Variants in CCDC146 observed in about 807,000 individuals in gnomAD.
The protein encoded by CCDC146 is coiled-coil domain-containing protein 146.
Under a neutral mutation model 119.3 loss-of-function variants are expected in CCDC146, and 92 were observed. The observed-to-expected ratio is 0.77, with a 90% CI of 0.65 to 0.92. CCDC146 has a LOEUF of 0.92. Ranked by LOEUF, CCDC146 falls within the 40% of genes least tolerant of loss-of-function variation. CCDC146 has a pLI of 0.00. For synonymous variants in CCDC146, 372 were observed against 371.8 expected (o/e 1.00, Z -0.01); for missense variants, 1,000 against 1,103.0 (o/e 0.91, Z 1.32).
intron 2 of CCDC146, among the ~76,000 whole-genome samples, chr7:77,182,199 A>G (rs1791600158): frequency 6.6e-6 from 1 of 152,192 alleles, no homozygotes; most frequent in African/African-American, 2.4e-5. Context: ...CTAAGAATGG[A>G]CAGGCTCAAA....
Position 77,260,125 on chromosome 7 carries a change from A to C in CCDC146, c.875A>C (p.Lys292Thr), listed in dbSNP as rs1169035507. 9 of 1,614,038 alleles carry C rather than the reference A, an allele frequency of 5.6e-6. No individual in the cohort carries two copies. Among genetic ancestry groups the C allele is most frequent in the Non-Finnish European group, 7.6e-6 (9 of 1,180,032 alleles). Residue 292 changes from lysine (K) to threonine (T), a missense_variant, in exon 8 of 19, where the codon AAG becomes ACG. By Grantham distance (78) the Lys-to-Thr change is moderately conservative. Coordinates refer to ENST00000285871, the MANE Select transcript of CCDC146 (RefSeq NM_020879.3). The stretch of plus-strand genomic sequence containing the variant: ...GTGGATGAGAAGGAAAATGTAATAA[A>C]GGAAGTTGAAGGCAAACGAGCCTTA... The part of the protein sequence containing the change: ...AIVDEKENVI[K>T]EVEGKRALLE...
At chr7:77,195,189 G>C (rs1297829783) in intron 2 of CCDC146, 6 of 121,594 alleles carry the variant, frequency 4.9e-5, no homozygotes, top group African/African-American at 1.3e-4. Flanking sequence ...AAACCTACCA[G>C]TAGTCTAGTA....
chr7:77,255,585 A>G (rs755030180), intron 5 of CCDC146: 2 of 152,214 alleles, frequency 1.3e-5, no homozygotes, highest in Non-Finnish European at 2.9e-5. Context: ...AGATCCTAGG[A>G]TCACCAATGA....
At chr7:77,178,137 C>T (rs974998549) in intron 2 of CCDC146, among the ~76,000 whole-genome samples, 1 of 152,164 alleles carries the variant, frequency 6.6e-6, no homozygotes, top group African/African-American at 2.4e-5. Flanking sequence ...TTGTACACTG[C>T]AGAAGAGGTC....
chr7:77,171,156 G>A (rs1306632819), intron 2 of CCDC146, among the ~76,000 whole-genome samples: 1 of 152,152 alleles, frequency 6.6e-6, no homozygotes, highest in East Asian at 1.9e-4. Flanking sequence ...CAAAGACGTT[G>A]ACTCAACACA....
intron 1 of CCDC146, among the ~76,000 whole-genome samples, chr7:77,135,468 A>G (rs1308422384): frequency 6.6e-6 from 1 of 152,152 alleles, no homozygotes; most frequent in Admixed American, 6.6e-5. Context: ...AGAGAGAGAA[A>G]GAAAGAAAGA....
At chr7:77,242,363 G>T in intron 4 of CCDC146, 1 of 990,120 alleles carries the variant, frequency 1.0e-6, no homozygotes, top group African/African-American at 1.7e-5. Context: ...TAAGAGAGCA[G>T]CAACAGGACC....
rs1255701288 is a variant in CCDC146 at position 77,237,014 on chromosome 7, A to T, written c.224A>T (p.His75Leu). ...TTAAAAGCCAAGTATACCTTGCTGC[A>T]TGACGCCGTGATGAGGTATGCAATT... ...AALKAKYTLL[H>L]DAVMSTQESE... The change falls in exon 3 of 19, where the codon CAT becomes CTT. Residue 75 changes from histidine to leucine, a missense_variant. Coordinates refer to ENST00000285871, the MANE Select transcript of CCDC146 (RefSeq NM_020879.3). The T allele has an allele frequency of 1.2e-6, 2 of 1,613,968 alleles. No homozygotes were observed. The highest frequency in any genetic ancestry group is 1.7e-6 in the Non-Finnish European group (2 of 1,179,890).
intron 15 of CCDC146, among the ~76,000 whole-genome samples, chr7:77,283,816 T>A (rs563531568): frequency 1.3e-5 from 2 of 152,200 alleles, no homozygotes; most frequent in African/African-American, 2.4e-5. Context: ...TTTTATGCCA[T>A]TTGAATGTGT....
At chr7:77,166,595 A>G (rs1429020416) in intron 1 of CCDC146, among the ~76,000 whole-genome samples, 3 of 151,822 alleles carry the variant, frequency 2.0e-5, no homozygotes, top group Non-Finnish European at 4.4e-5. Flanking sequence ...TTGTTATTTT[A>G]TTATATAAAA....
chr7:77,207,041 A>G (rs1290398966), intron 2 of CCDC146, among the ~76,000 whole-genome samples: 1 of 152,112 alleles, frequency 6.6e-6, no homozygotes, highest in Admixed American at 6.5e-5. Flanking sequence ...AGATGTCGTC[A>G]TGTGAACTCG....
In CCDC146 at chr7:77,256,367, G is replaced by T. The variant is rs1360739693; in HGVS notation, c.542G>T (p.Ser181Ile). ...MEKKMKILRESTEELRKEIMQ... is the reference protein window; with the variant it reads ...MEKKMKILREITEELRKEIMQ... ...AAGAAGATGAAAATATTGAGAGAAAGCACTGAAGAATTACGTAAAGAAATA... is the reference window on the plus strand; with the variant it reads ...AAGAAGATGAAAATATTGAGAGAAATCACTGAAGAATTACGTAAAGAAATA... Residue 181 changes from serine to isoleucine, a missense_variant, in exon 6 of 19, where the codon AGC becomes ATC. Coordinates refer to ENST00000285871, the MANE Select transcript of CCDC146 (RefSeq NM_020879.3). The T allele has an allele frequency of 6.2e-7, 1 of 1,600,080 alleles. No individual in the cohort carries two copies. Among genetic ancestry groups the T allele is most frequent in the Non-Finnish European group, 8.5e-7 (1 of 1,175,350 alleles).
intron 17 of CCDC146, among the ~76,000 whole-genome samples, chr7:77,292,411 C>A (rs10252032): frequency 0.017 from 2,563 of 149,680 alleles, 80 homozygotes; most frequent in African/African-American, 0.059. Flanking sequence ...GTCAGGAGAT[C>A]AAGACCATCC....
At chr7:77,177,041 G>C (rs1185205126) in intron 2 of CCDC146, among the ~76,000 whole-genome samples, 1 of 151,854 alleles carries the variant, frequency 6.6e-6, no homozygotes, top group African/African-American at 2.4e-5. Context: ...TCACCATGTT[G>C]TCCAGGCTGG....
intron 2 of CCDC146, among the ~76,000 whole-genome samples, chr7:77,220,151 CA>C (rs1226364633): frequency 6.6e-6 from 1 of 152,182 alleles, no homozygotes; most frequent in Non-Finnish European, 1.5e-5. Flanking sequence ...CTGCATAAGA[CA>C]GACACTCCCA....
At chr7:77,169,367 TTC>T (rs1402262279) in intron 2 of CCDC146, among the ~76,000 whole-genome samples, 1 of 152,204 alleles carries the variant, frequency 6.6e-6, no homozygotes, top group Admixed American at 6.5e-5. Flanking sequence ...TTATTTATTT[TTC>T]TGTTTGAAAT....
intron 7 of CCDC146, 57 bp from the exon 8 acceptor site, chr7:77,259,952 G>A (rs1793259044): frequency 1.0e-5 from 1 of 99,000 alleles, no homozygotes; most frequent in Non-Finnish European, 1.7e-5. Flanking sequence ...GTGTGTGTGT[G>A]TGTGTGTGTG....
In CCDC146 at chr7:77,153,447, A is replaced by G. The variant is rs1163651611; in HGVS notation, c.-11-14211A>G. On this transcript the variant is annotated intron_variant, in intron 1 of 18. Coordinates refer to ENST00000285871, the MANE Select transcript of CCDC146 (RefSeq NM_020879.3). ...TTTTCTTTTTTTTTTTTTTTTTAAC[A>G]ATAAAAGATAACATTTAATTTTAAA... Among the ~76,000 whole-genome samples the G allele has an allele frequency of 2.0e-5, 3 of 148,704 alleles. No homozygotes were observed. In the East Asian group the frequency reaches 5.8e-4, roughly 29 times the overall value.
intron 4 of CCDC146, among the ~76,000 whole-genome samples, chr7:77,245,439 C>T (rs932311938): frequency 2.0e-5 from 3 of 152,166 alleles, no homozygotes; most frequent in African/African-American, 7.2e-5. Flanking sequence ...AATTTTACAG[C>T]AAATACGTTG....
Sources: gnomAD v4.1 joint callset for allele counts (sites outside exome capture counted in the v4.1 genomes callset) on GRCh38, gnomAD v4.1.1 for gene constraint, MANE v1.5 for transcripts, NCBI Gene and HGNC (gene_info 2026-07-23, HGNC 2026-07-21) for gene names.